The following PAXBP1 variants were observed in gnomAD, a reference collection of about 807,000 sequenced individuals.
The protein encoded by PAXBP1 is PAX3- and PAX7-binding protein 1.
PAXBP1 carries 44 observed loss-of-function variants against 119.9 expected under a neutral mutation model. That is an observed-to-expected ratio of 0.37 (90% CI 0.29 to 0.47). PAXBP1 has a LOEUF of 0.47. Among genes scored for constraint, PAXBP1 ranks in the 20% least tolerant of loss-of-function variants. The pLI, the probability that PAXBP1 is intolerant of heterozygous loss-of-function variation, is 0.99. For synonymous variants in PAXBP1, 393 were observed against 406.6 expected (o/e 0.97, Z 0.40); for missense variants, 898 against 1,134.1 (o/e 0.79, Z 2.99).
At chr21:32,739,305 C>G (rs1157353946) in intron 15 of PAXBP1, among the ~76,000 whole-genome samples, 4 of 152,176 alleles carry the variant, frequency 2.6e-5, no homozygotes, top group African/African-American at 9.7e-5. Context: ...GTCAGACTGG[C>G]TGAGTTTGAT....
chr21:32,735,151 C>T (rs2043675723), intron 17 of PAXBP1, 84 bp from the exon 18 acceptor site: 1 of 853,622 alleles, frequency 1.2e-6, no homozygotes, highest in Non-Finnish European at 1.9e-6. Flanking sequence ...TATTTTAGAG[C>T]TTCTGCAATC....
At chr21:32,753,374 C>T (rs112610584) in intron 8 of PAXBP1, among the ~76,000 whole-genome samples, 281 of 139,552 alleles carry the variant, frequency 2.0e-3, no homozygotes, top group Middle Eastern at 8.5e-3. Flanking sequence ...GGCGGTGAGC[C>T]GAGATTGCGC....
intron 2 of PAXBP1, among the ~76,000 whole-genome samples, chr21:32,768,558 T>C (rs1259667923): frequency 2.0e-5 from 3 of 152,232 alleles, no homozygotes; most frequent in Non-Finnish European, 2.9e-5. Context: ...ACTAAATCAG[T>C]AGAAGCCTTT....
chr21:32,735,347 T>C (rs2043678481), intron 17 of PAXBP1, among the ~76,000 whole-genome samples: 1 of 152,294 alleles, frequency 6.6e-6, no homozygotes, highest in East Asian at 1.9e-4. Context: ...TGAGTTTCAT[T>C]AATATTGAGA....
chr21:32,745,452 T>C, intron 12 of PAXBP1, 122 bp downstream of exon 12: 1 of 1,373,118 alleles, frequency 7.3e-7, no homozygotes, highest in Non-Finnish European at 1.0e-6. Flanking sequence ...CTGGGCCAGG[T>C]GGTAACTATT....
chr21:32,758,726 A>G (rs1247279413), intron 7 of PAXBP1, among the ~76,000 whole-genome samples: 1 of 152,014 alleles, frequency 6.6e-6, no homozygotes, highest in Non-Finnish European at 1.5e-5. Flanking sequence ...ACGTTTAAAA[A>G]TAAGTTTAAA....
chr21:32,761,072 ATTCCT>A lies in PAXBP1; in HGVS notation c.957_961del (p.Lys319AsnfsTer2). On this transcript the variant is annotated frameshift_variant, in exon 5 of 18. Coordinates refer to ENST00000331923, the MANE Select transcript of PAXBP1 (RefSeq NM_016631.4). LOFTEE classifies it high-confidence loss of function. ...CTTTTGTCGTACCTGAGGGATATTA[ATTCCT>A]TTCCTTATCTGCTCCTGTTCCCATC... is the stretch of plus-strand genomic sequence containing the variant. 6.2e-7 allele frequency: 1 copy of A among 1,612,548 alleles called. No individual in the cohort carries two copies. The highest frequency in any genetic ancestry group is 8.5e-7 in the Non-Finnish European group (1 of 1,179,368).
intron 2 of PAXBP1, among the ~76,000 whole-genome samples, chr21:32,766,255 A>C (rs559609149): frequency 6.6e-6 from 1 of 152,210 alleles, no homozygotes; most frequent in South Asian, 2.1e-4. Context: ...AAATTTTAGG[A>C]TTCAATGTTT....
chr21:32,755,094 C>G (rs2044022032), intron 8 of PAXBP1, 136 bp downstream of exon 8: 1 of 1,059,492 alleles, frequency 9.4e-7, no homozygotes, highest in African/African-American at 1.7e-5. Context: ...ATTTTTAGAT[C>G]TACCTGACAC....
rs566707908 is a variant in PAXBP1 at position 32,736,763 on chromosome 21, C to T, written c.2636+491G>A. On this transcript the variant is annotated intron_variant, in intron 17 of 17. Coordinates refer to ENST00000331923, the MANE Select transcript of PAXBP1 (RefSeq NM_016631.4). ...ATTTATCCCAGAATTACCTGAACAC[C>T]CATAAATTAATGTCCACAGAAAGGC... Among the ~76,000 whole-genome samples, 4 of 152,142 alleles carry T rather than the reference C, an allele frequency of 2.6e-5. No homozygotes were observed. The East Asian group carries it at 5.8e-4, about 22-fold the overall frequency.
intron 2 of PAXBP1, among the ~76,000 whole-genome samples, chr21:32,766,458 C>T (rs1601610935): frequency 1.3e-5 from 2 of 152,140 alleles, no homozygotes; most frequent in Non-Finnish European, 2.9e-5. Flanking sequence ...CAATTATTAC[C>T]CACTTCACCT....
chr21:32,738,396 C>T, intron 15 of PAXBP1, 77 bp from the exon 16 acceptor site: 1 of 1,217,864 alleles, frequency 8.2e-7, no homozygotes, highest in African/African-American at 1.6e-5. Flanking sequence ...TAGTAAAACA[C>T]CATATGAAAT....
chr21:32,763,059 CTAAA>C lies in PAXBP1; in HGVS notation c.650-746_650-743del, dbSNP rs767351347. Among the ~76,000 whole-genome samples, 180 of 152,046 alleles carry C rather than the reference CTAAA, an allele frequency of 1.2e-3. 1 individual carries two copies. Among genetic ancestry groups the C allele is most frequent in the Non-Finnish European group, 1.1e-3 (75 of 68,008 alleles). Reference sequence around the variant, plus strand: ...AGTTTTTAGTTTACCTGTAATCATACTAAATATTTAATTTTGTACCTATTTCTCA... The same window carrying C: ...AGTTTTTAGTTTACCTGTAATCATACTATTTAATTTTGTACCTATTTCTCA... On this transcript the variant is annotated intron_variant, in intron 3 of 17. Coordinates refer to ENST00000331923, the MANE Select transcript of PAXBP1 (RefSeq NM_016631.4).
chr21:32,768,085 T>C (rs2044273510), intron 2 of PAXBP1, among the ~76,000 whole-genome samples: 3 of 152,234 alleles, frequency 2.0e-5, no homozygotes, highest in African/African-American at 7.2e-5. Flanking sequence ...TGAAATTTAA[T>C]TGCCATTGTA....
rs372725852 is a variant in PAXBP1 at position 32,734,945 on chromosome 21, T to C, written c.*5A>G. The C allele has an allele frequency of 2.8e-4, 443 of 1,603,182 alleles. 2 individuals carry two copies. The Admixed American group carries it at 6.3e-3, about 23-fold the overall frequency. Reference sequence around the variant, plus strand: ...CAAGCAAATAGGTTTTTCAGTCTCATAGATCTATTTTCCTTCGATCAAAGA... The same window carrying C: ...CAAGCAAATAGGTTTTTCAGTCTCACAGATCTATTTTCCTTCGATCAAAGA... On this transcript the variant is annotated 3_prime_UTR_variant, in exon 18 of 18. Transcript: ENST00000331923.
rs1314279813 is a variant in PAXBP1, at chr21:32,771,449, C to T, written c.220G>A (p.Glu74Lys). ...CCGCCGGGGAAGCCGCCCCCGGCCT[C>T]AGCCCCGAGGCCCGGGGTCAGCGCG... is the stretch of plus-strand genomic sequence containing the variant. ...PSALTPGLGAEAGGGFPGGAE... is the reference protein window; with the variant it reads ...PSALTPGLGAKAGGGFPGGAE... The change falls in exon 1 of 18, where the codon GAG becomes AAG. Residue 74 changes from glutamate to lysine, a missense_variant. Glu to Lys is a moderately conservative substitution (Grantham distance 56). Around this residue, in one of 2 missense-constraint regions of PAXBP1, gnomAD observed 299 missense variants for 281.4 expected, o/e 1.06. Transcript: ENST00000331923. 1.4e-6 allele frequency: 2 copies of T among 1,474,180 alleles called. No individual in the cohort carries two copies. The highest frequency in any genetic ancestry group is 1.8e-6 in the Non-Finnish European group (2 of 1,120,422). The allele number at this position is 1,474,180 out of a possible 1,614,324, so 91.3% of individuals were successfully genotyped here. A position where few individuals can be genotyped will look rare whatever the true frequency, so the allele number is the denominator to read the frequency against.
intron 14 of PAXBP1, 134 bp downstream of exon 14, chr21:32,743,544 G>A (rs1356526385): frequency 2.7e-5 from 20 of 746,930 alleles, no homozygotes; most frequent in East Asian, 8.2e-5. Context: ...GAACAATCTC[G>A]CCACTAATCT....
chr21:32,749,667 A>G (rs536895408), intron 10 of PAXBP1, among the ~76,000 whole-genome samples: 5 of 152,320 alleles, frequency 3.3e-5, no homozygotes, highest in East Asian at 1.9e-4. Context: ...CATCCTGTAT[A>G]AATTATTCTT....
rs959248861 is a variant in PAXBP1 at position 32,762,083 on chromosome 21, T to G, written c.871+13A>C. 9 of 1,613,744 alleles carry G rather than the reference T, an allele frequency of 5.6e-6. No homozygotes were observed. The highest frequency in any genetic ancestry group is 1.3e-5 in the African/African-American group (1 of 74,870). On this transcript the variant is annotated intron_variant, in intron 4 of 17. Transcript: ENST00000331923. ...CAATGCAATAGGCTTACTATTCAAT[T>G]AAATCAAGTTACCTATTTCCTCAGC... is the stretch of plus-strand genomic sequence containing the variant.
Sources: gnomAD v4.1 joint callset for allele counts (sites outside exome capture counted in the v4.1 genomes callset) on GRCh38, gnomAD v4.1.1 for gene constraint, gnomAD v4.1.1 regional missense constraint, MANE v1.5 for transcripts, NCBI Gene and HGNC (gene_info 2026-07-23, HGNC 2026-07-21) for gene names.